Variants in CCDC88A observed in about 807,000 individuals in gnomAD.
The protein encoded by CCDC88A is coiled-coil and HOOK domain protein 88A.
In CCDC88A, 54 loss-of-function variants were observed where a neutral mutation model predicts 234.3. The ratio of observed to expected loss-of-function variants is 0.23; its 90% CI spans 0.19 to 0.29. The LOEUF is 0.29. Among genes scored for constraint, CCDC88A ranks in the 10% least tolerant of loss-of-function variants. CCDC88A has a pLI of 1.00. For synonymous variants in CCDC88A, 753 were observed against 737.8 expected (o/e 1.02, Z -0.33); for missense variants, 1,832 against 2,123.4 (o/e 0.86, Z 2.70).
intron 12 of CCDC88A, among the ~76,000 whole-genome samples, chr2:55,342,938 T>C (rs1282335498): frequency 6.6e-6 from 1 of 152,170 alleles, no homozygotes; most frequent in African/African-American, 2.4e-5. Flanking sequence ...GAAACTAGTC[T>C]AATTTGAATA....
rs2589113 is a variant in CCDC88A at position 55,289,187 on chromosome 2, T to G, written c.*2013A>C. ...TTAGTGTTCTGGAGAGGTCAAGCTGTAATGTCATTCGCCCTCATTGGGCTA... is the reference window on the plus strand; with the variant it reads ...TTAGTGTTCTGGAGAGGTCAAGCTGGAATGTCATTCGCCCTCATTGGGCTA... On this transcript the variant is annotated 3_prime_UTR_variant, in exon 33 of 33. Transcript: ENST00000436346. The G allele has an allele frequency of 0.83, 126,917 of 152,558 alleles. 55,696 individuals are homozygous for G. Among genetic ancestry groups the G allele is most frequent in the East Asian group, 0.97 (5,029 of 5,172 alleles). The allele number at this position is 152,558 out of a possible 1,614,324, so 9.5% of individuals were successfully genotyped here. A position where few individuals can be genotyped will look rare whatever the true frequency, so the allele number is the denominator to read the frequency against.
chr2:55,330,911 T>C (rs2589065), intron 16 of CCDC88A, among the ~76,000 whole-genome samples: 70,570 of 152,060 alleles, frequency 0.46, 17,752 homozygotes, highest in East Asian at 0.85. Flanking sequence ...GAATGCCCTT[T>C]CCCACTGTTC....
chr2:55,397,718 A>C (rs1677864798), intron 2 of CCDC88A, among the ~76,000 whole-genome samples: 1 of 152,060 alleles, frequency 6.6e-6, no homozygotes, highest in Non-Finnish European at 1.5e-5. Flanking sequence ...CTTCTTCTTA[A>C]ATTTTGTGTC....
At chr2:55,341,773 A>G (rs1668541303) in intron 12 of CCDC88A, among the ~76,000 whole-genome samples, 1 of 152,164 alleles carries the variant, frequency 6.6e-6, no homozygotes, top group African/African-American at 2.4e-5. Context: ...ACTGACAAAT[A>G]TTCCATTATG....
intron 16 of CCDC88A, chr2:55,329,923 C>T (rs1224140655): frequency 6.6e-6 from 1 of 152,030 alleles, no homozygotes; most frequent in Non-Finnish European, 1.5e-5. Flanking sequence ...CCACGCCTGG[C>T]TAATTTTTTG....
intron 23 of CCDC88A, among the ~76,000 whole-genome samples, chr2:55,312,172 CTACA>C (rs902214939): frequency 2.6e-5 from 4 of 152,104 alleles, no homozygotes; most frequent in African/African-American, 9.7e-5. Context: ...CTATGGCCTC[CTACA>C]TATACTTCCA....
At chr2:55,318,594 A>G (rs1683242775) in intron 19 of CCDC88A, among the ~76,000 whole-genome samples, 1 of 152,220 alleles carries the variant, frequency 6.6e-6, no homozygotes, top group Admixed American at 6.5e-5. Flanking sequence ...AATTTTTTAC[A>G]ATCGACTTAA....
Position 55,295,726 on chromosome 2 carries a change from C to T in CCDC88A, c.5422G>A (p.Val1808Met), listed in dbSNP as rs138449414. 93 of 1,614,004 alleles carry T rather than the reference C, an allele frequency of 5.8e-5. No individual in the cohort carries two copies. The highest frequency in any genetic ancestry group is 4.0e-5 in the African/African-American group (3 of 74,904). ...GTAGTTCCTTCGGCAGTTGAGATCA[C>T]GCTGCTTGCACGAGGTAAAGTTGCA... ...PYATLPRASSVISTAEGTTRR... is the reference protein window; with the variant it reads ...PYATLPRASSMISTAEGTTRR... Residue 1808 changes from valine to methionine, a missense_variant, in exon 31 of 33, where the codon GTG (valine) becomes ATG (methionine). By Grantham distance (21) the Val-to-Met change is conservative. Transcript: ENST00000436346.
At chr2:55,391,414 G>C (rs1266885592) in intron 2 of CCDC88A, among the ~76,000 whole-genome samples, 1 of 152,000 alleles carries the variant, frequency 6.6e-6, no homozygotes, top group Non-Finnish European at 1.5e-5. Flanking sequence ...AGACACAAAA[G>C]ATCAGGAAAA....
chr2:55,419,534 C>T lies in CCDC88A; in HGVS notation c.-455G>A. On this transcript the variant is annotated 5_prime_UTR_variant, in exon 1 of 33. Coordinates refer to ENST00000436346, the MANE Select transcript of CCDC88A (RefSeq NM_001365480.1). ...GATACCGAGGCGCCACCAGACTCGA[C>T]CTCGGCGTTCCGACCTCTACACGTT... 2.8e-5 allele frequency: 4 copies of T among 142,970 alleles called. No individual in the cohort carries two copies. The highest frequency in any genetic ancestry group is 4.6e-5 in the Non-Finnish European group (3 of 64,572). The allele number at this position is 142,970 out of a possible 1,614,324, so 8.9% of individuals were successfully genotyped here. A position where few individuals can be genotyped will look rare whatever the true frequency, so the allele number is the denominator to read the frequency against.
Position 55,322,574 on chromosome 2 carries a change from C to G in CCDC88A, c.3116G>C (p.Arg1039Thr). ...TCTGTCTTTAACTTTCAGAAGTTCT[C>G]TAGTCGTTTCTTGACTTTCTCGCTC... ...KWERESQETT[R>T]ELLKVKDRLI... is the part of the protein sequence containing the mutation. Residue 1039 changes from arginine to threonine, a missense_variant, in exon 18 of 33, where the codon AGA becomes ACA. Coordinates refer to ENST00000436346, the MANE Select transcript of CCDC88A (RefSeq NM_001365480.1). 6.2e-7 allele frequency: 1 copy of G among 1,608,408 alleles called. No individual in the cohort carries two copies. Among genetic ancestry groups the G allele is most frequent in the South Asian group, 1.1e-5 (1 of 90,558 alleles).
intron 6 of CCDC88A, among the ~76,000 whole-genome samples, chr2:55,362,736 T>A (rs904936011): frequency 6.6e-6 from 1 of 152,046 alleles, no homozygotes; most frequent in Non-Finnish European, 1.5e-5. Flanking sequence ...TGATATATCC[T>A]GATGACTTCT....
At chr2:55,337,983 C>T (rs1023071676) in intron 13 of CCDC88A, among the ~76,000 whole-genome samples, 6 of 152,260 alleles carry the variant, frequency 3.9e-5, no homozygotes, top group African/African-American at 1.4e-4. Context: ...CAGGTTCTCA[C>T]ATTACATAGA....
intron 3 of CCDC88A, among the ~76,000 whole-genome samples, chr2:55,386,996 G>A (rs1237115868): frequency 2.0e-5 from 3 of 150,782 alleles, no homozygotes; most frequent in Admixed American, 6.6e-5. Flanking sequence ...CCAACATGGC[G>A]AAACCCAGTC....
chr2:55,338,538 G>C (rs978068747), intron 13 of CCDC88A, among the ~76,000 whole-genome samples: 1 of 152,188 alleles, frequency 6.6e-6, no homozygotes, highest in Admixed American at 6.5e-5. Context: ...TGTTCAACCA[G>C]AGTCTGATTA....
intron 3 of CCDC88A, among the ~76,000 whole-genome samples, chr2:55,377,349 G>C (rs1558772158): frequency 6.6e-6 from 1 of 150,988 alleles, no homozygotes; most frequent in Non-Finnish European, 1.5e-5. Context: ...ATAGAGACAA[G>C]GTCTCGCTAT....
At chr2:55,302,944 A>G (rs1681074840) in intron 26 of CCDC88A, 125 bp downstream of exon 26, 1 of 664,814 alleles carries the variant, frequency 1.5e-6, no homozygotes, top group Non-Finnish European at 2.7e-6. Context: ...AGCTCCTTAT[A>G]TTAGAGGAAG....
chr2:55,402,996 A>G (rs1678972655), intron 2 of CCDC88A, among the ~76,000 whole-genome samples: 1 of 151,906 alleles, frequency 6.6e-6, no homozygotes, highest in South Asian at 2.1e-4. Context: ...GCAACTGAGC[A>G]AGACTCCGTC....
intron 29 of CCDC88A, among the ~76,000 whole-genome samples, chr2:55,299,009 G>A (rs1680554523): frequency 6.6e-6 from 1 of 152,136 alleles, no homozygotes; most frequent in African/African-American, 2.4e-5. Flanking sequence ...AGACCAGCCT[G>A]GTTAACATGG....
Sources: gnomAD v4.1 joint callset for allele counts (sites outside exome capture counted in the v4.1 genomes callset) on GRCh38, gnomAD v4.1.1 for gene constraint, MANE v1.5 for transcripts, NCBI Gene and HGNC (gene_info 2026-07-23, HGNC 2026-07-21) for gene names.